KCNH5: variants seen among roughly 807,000 people sequenced by gnomAD.
The protein encoded by KCNH5 is voltage-gated delayed rectifier potassium channel KCNH5.
In KCNH5, 46 loss-of-function variants were observed where a neutral mutation model predicts 96.1. The observed-to-expected ratio is 0.48, with a 90% CI of 0.38 to 0.61. The LOEUF is 0.61. KCNH5 is among the 20% of genes least tolerant of loss of function. The probability of loss-of-function intolerance (pLI) is 0.00; values close to 1 mark genes in which losing one functional copy is unlikely to be tolerated. For synonymous variants in KCNH5, 439 were observed against 449.8 expected (o/e 0.98, Z 0.30); for missense variants, 907 against 1,225.8 (o/e 0.74, Z 3.88).
intron 10 of KCNH5, among the ~76,000 whole-genome samples, chr14:62,747,056 G>A (rs956367564): frequency 6.6e-5 from 10 of 152,158 alleles, no homozygotes; most frequent in African/African-American, 1.7e-4. Context: ...AACTCAGGCC[G>A]GACGCGGCGG....
chr14:62,958,494 G>T (rs1288972688), intron 6 of KCNH5, among the ~76,000 whole-genome samples: 1 of 152,114 alleles, frequency 6.6e-6, no homozygotes, highest in African/African-American at 2.4e-5. Context: ...ATTTTGAATT[G>T]AATCATCCTG....
intron 7 of KCNH5, among the ~76,000 whole-genome samples, chr14:62,854,943 T>C (rs1195340595): frequency 6.7e-6 from 1 of 150,346 alleles, no homozygotes; most frequent in African/African-American, 2.4e-5. Context: ...GTCTATATTC[T>C]GATCCCTTGA....
At chr14:62,881,367 C>T (rs982795691) in intron 7 of KCNH5, among the ~76,000 whole-genome samples, 1 of 151,516 alleles carries the variant, frequency 6.6e-6, no homozygotes, top group Non-Finnish European at 1.5e-5. Flanking sequence ...TTATCCTATT[C>T]AAGCCATTAT....
intron 6 of KCNH5, among the ~76,000 whole-genome samples, chr14:62,964,245 T>C (rs1166379553): frequency 6.6e-6 from 1 of 152,124 alleles, no homozygotes; most frequent in Admixed American, 6.6e-5. Context: ...CTGTTATTTG[T>C]GCTATGTGCT....
intron 4 of KCNH5, among the ~76,000 whole-genome samples, chr14:62,998,911 T>C (rs1049751416): frequency 6.6e-6 from 1 of 152,226 alleles, no homozygotes; most frequent in African/African-American, 2.4e-5. Flanking sequence ...GTGAAGAATA[T>C]GTATTCTCTG....
At chr14:63,029,972 A>G (rs988014106) in intron 1 of KCNH5, among the ~76,000 whole-genome samples, 2 of 152,218 alleles carry the variant, frequency 1.3e-5, no homozygotes, top group African/African-American at 4.8e-5. Flanking sequence ...TTACAGAGGA[A>G]TAACTTCCTT....
chr14:62,763,758 T>C (rs1050693140), intron 10 of KCNH5, among the ~76,000 whole-genome samples: 2 of 152,148 alleles, frequency 1.3e-5, no homozygotes, highest in African/African-American at 4.8e-5. Context: ...ACAAACACTT[T>C]CATGCATACA....
rs141670922 is a variant in KCNH5 at position 62,741,170 on chromosome 14, A to C, written c.2020-32715T>G. Among the ~76,000 whole-genome samples, 656 of 152,286 alleles carry C rather than the reference A, an allele frequency of 4.3e-3. 4 individuals carry two copies. Among genetic ancestry groups the C allele is most frequent in the Middle Eastern group, 0.01 (3 of 294 alleles). On this transcript the variant is annotated intron_variant, in intron 10 of 10. Coordinates refer to ENST00000322893, the MANE Select transcript of KCNH5 (RefSeq NM_139318.5). The stretch of plus-strand genomic sequence containing the variant: ...AAACAAACAAGCATACTGATAAATT[A>C]AGCGGCTTGCACGTATTCCTTAAGA...
At chr14:62,731,643 T>C (rs963654015) in intron 10 of KCNH5, among the ~76,000 whole-genome samples, 1 of 152,236 alleles carries the variant, frequency 6.6e-6, no homozygotes, top group African/African-American at 2.4e-5. Context: ...ATAATACTTG[T>C]AGGAATTTTG....
chr14:62,877,086 C>T lies in KCNH5; in HGVS notation c.1370-27234G>A, dbSNP rs138019025. 6.2e-3 allele frequency among the ~76,000 whole-genome samples: 941 copies of T among 152,238 alleles called. 8 individuals are homozygous for T. Among genetic ancestry groups the T allele is most frequent in the Non-Finnish European group, 0.01 (701 of 68,014 alleles). On this transcript the variant is annotated intron_variant, in intron 7 of 10. Transcript: ENST00000322893. ...GAGGGCTCCGTTCTGTTCCATTGAT[C>T]TATATCTCTGGATTCCCTATTTAAT...
intron 6 of KCNH5, among the ~76,000 whole-genome samples, chr14:62,962,949 A>C (rs1265425215): frequency 6.6e-6 from 1 of 152,120 alleles, no homozygotes; most frequent in African/African-American, 2.4e-5. Flanking sequence ...ATTAATGTTC[A>C]TGGCTTGATG....
chr14:62,724,758 T>G (rs8010814), intron 10 of KCNH5, among the ~76,000 whole-genome samples: 1,836 of 152,356 alleles, frequency 0.012, 31 homozygotes, highest in East Asian at 0.094. Context: ...CTAATAACTT[T>G]GTTGCTGTAG....
rs537560453 is a variant in KCNH5 at position 62,966,774 on chromosome 14, T to C, written c.942+14098A>G. 7.2e-5 allele frequency among the ~76,000 whole-genome samples: 11 copies of C among 152,338 alleles called. No individual in the cohort carries two copies. In the East Asian group the frequency reaches 2.1e-3, roughly 29 times the overall value. ...TTCCTTCAAAATCCTTGCCTTGCTG[T>C]TTCCTCCAATCCTGTGCTATTGTAT... On this transcript the variant is annotated intron_variant, in intron 6 of 10. Transcript: ENST00000322893.
intron 10 of KCNH5, among the ~76,000 whole-genome samples, chr14:62,753,653 AGTGTAAATCT>A (rs1373845680): frequency 6.6e-6 from 1 of 152,204 alleles, no homozygotes; most frequent in Non-Finnish European, 1.5e-5. Context: ...CAGACTTTTC[AGTGTAAATCT>A]TACAGGCCAG....
At chr14:62,992,987 T>A (rs1313192662) in intron 4 of KCNH5, among the ~76,000 whole-genome samples, 1 of 151,534 alleles carries the variant, frequency 6.6e-6, no homozygotes, top group African/African-American at 2.4e-5. Context: ...TTGATTTTTG[T>A]ATATGACAAG....
intron 1 of KCNH5, among the ~76,000 whole-genome samples, chr14:63,036,501 AC>A: frequency 7.3e-6 from 1 of 137,918 alleles, no homozygotes; most frequent in Non-Finnish European, 1.5e-5. Context: ...AACGGGAGAT[AC>A]AAAAAAAAAA....
At chr14:62,804,899 C>G (rs958799756) in intron 8 of KCNH5, among the ~76,000 whole-genome samples, 1 of 152,190 alleles carries the variant, frequency 6.6e-6, no homozygotes, top group African/African-American at 2.4e-5. Context: ...AAACTCTCTA[C>G]AAAAGCAATT....
intron 7 of KCNH5, among the ~76,000 whole-genome samples, chr14:62,876,384 G>C (rs1888372708): frequency 6.6e-6 from 1 of 152,102 alleles, no homozygotes; most frequent in Admixed American, 6.5e-5. Context: ...AAAGAAATAA[G>C]ACACACCAAT....
In KCNH5 at chr14:62,950,153, A is replaced by G. The variant is rs1205670310; in HGVS notation, c.1349T>C (p.Val450Ala). 6.2e-7 allele frequency: 1 copy of G among 1,613,932 alleles called. No homozygotes were observed. Among genetic ancestry groups the G allele is most frequent in the East Asian group, 2.2e-5 (1 of 44,850 alleles). ...PTTDVEKMFS[V>A]AMMMVGSLLY... ...CTTACAGCCAACCATCATCATAGCC[A>G]CCGAAAACATCTTCTCCACATCTGT... Residue 450 changes from valine to alanine, a missense_variant, in exon 7 of 11, where the codon GTG (valine) becomes GCG (alanine). Val to Ala is a moderately conservative substitution (Grantham distance 64). Transcript: ENST00000322893.
Sources: gnomAD v4.1 joint callset for allele counts (sites outside exome capture counted in the v4.1 genomes callset) on GRCh38, gnomAD v4.1.1 for gene constraint, MANE v1.5 for transcripts, NCBI Gene and HGNC (gene_info 2026-07-23, HGNC 2026-07-21) for gene names.